Variants in CADM2 observed in about 807,000 individuals in gnomAD.
CADM2 encodes immunoglobulin superfamily member 4D.
Under a neutral mutation model 49.8 loss-of-function variants are expected in CADM2, and 12 were observed. The observed-to-expected ratio is 0.24, with a 90% confidence interval of 0.15 to 0.39. The LOEUF (loss-of-function observed/expected upper bound fraction) is 0.39. CADM2 is among the 10% of genes least tolerant of loss of function. The probability of loss-of-function intolerance (pLI) is 1.00; values close to 1 mark genes in which losing one functional copy is unlikely to be tolerated. For missense variants in CADM2, 378 were observed against 492.3 expected (o/e 0.77, Z 2.20); for synonymous variants, 214 against 175.4 (o/e 1.22, Z -1.74).
At chr3:85,323,689 A>C (rs975912632) in intron 1 of CADM2, among the ~76,000 whole-genome samples, 1 of 152,184 alleles carries the variant, frequency 6.6e-6, no homozygotes, top group African/African-American at 2.4e-5. Context: ...ACAAAATCAT[A>C]TCAATTCTAT....
At chr3:85,134,038 G>C (rs967580466) in intron 1 of CADM2, among the ~76,000 whole-genome samples, 3 of 152,210 alleles carry the variant, frequency 2.0e-5, no homozygotes, top group African/African-American at 4.8e-5. Flanking sequence ...GTGAGAAATC[G>C]AGCGCAGCGC....
intron 1 of CADM2, among the ~76,000 whole-genome samples, chr3:85,569,315 G>A (rs907447171): frequency 6.6e-6 from 1 of 151,320 alleles, no homozygotes; most frequent in African/African-American, 2.4e-5. Context: ...CTATTCCATG[G>A]TAAGACTATC....
chr3:85,865,375 G>C (rs1577509057), intron 3 of CADM2, among the ~76,000 whole-genome samples: 1 of 151,966 alleles, frequency 6.6e-6, no homozygotes, highest in East Asian at 1.9e-4. Flanking sequence ...CAAATAAAAT[G>C]TGTGTATGTT....
intron 8 of CADM2, among the ~76,000 whole-genome samples, chr3:85,996,023 G>A (rs1485989254): frequency 1.3e-5 from 2 of 151,468 alleles, no homozygotes; most frequent in Non-Finnish European, 2.9e-5. Context: ...CCAGGAGGCA[G>A]AGCTTTCAGT....
intron 1 of CADM2, among the ~76,000 whole-genome samples, chr3:85,571,613 T>A (rs922273965): frequency 6.6e-6 from 1 of 152,256 alleles, no homozygotes; most frequent in Non-Finnish European, 1.5e-5. Flanking sequence ...ATATGTCCCA[T>A]ATAGCACATT....
At chr3:85,755,534 C>G (rs2069073077) in intron 2 of CADM2, among the ~76,000 whole-genome samples, 1 of 152,026 alleles carries the variant, frequency 6.6e-6, no homozygotes, top group Admixed American at 6.6e-5. Context: ...CATTCTTGCA[C>G]TACTATAAAG....
chr3:85,526,250 T>C (rs2061156595), intron 1 of CADM2, among the ~76,000 whole-genome samples: 1 of 152,162 alleles, frequency 6.6e-6, no homozygotes. Flanking sequence ...TTCATATATT[T>C]TGTTTGTTTA....
chr3:85,155,945 G>T (rs998451256), intron 1 of CADM2, among the ~76,000 whole-genome samples: 1 of 152,144 alleles, frequency 6.6e-6, no homozygotes, highest in Non-Finnish European at 1.5e-5. Context: ...AAAGCAGTGT[G>T]TAGAGGGAAA....
intron 1 of CADM2, among the ~76,000 whole-genome samples, chr3:85,372,076 C>T (rs144645489): frequency 7.1e-4 from 108 of 151,880 alleles, no homozygotes; most frequent in Middle Eastern, 3.4e-3. Flanking sequence ...TTTATTACAT[C>T]GGTGTTTGAC....
At chr3:86,013,790 G>A (rs1312892089) in intron 8 of CADM2, 3 of 1,589,382 alleles carry the variant, frequency 1.9e-6, no homozygotes, top group Non-Finnish European at 2.6e-6. Flanking sequence ...TAACTGAGAA[G>A]TGGGGATTAA....
intron 1 of CADM2, among the ~76,000 whole-genome samples, chr3:85,132,307 AC>A (rs2107611477): frequency 1.3e-5 from 2 of 152,250 alleles, no homozygotes; most frequent in South Asian, 4.1e-4. Context: ...ACCTAAGGAA[AC>A]CTTTAACTGG....
intron 1 of CADM2, among the ~76,000 whole-genome samples, chr3:85,283,355 ACT>A (rs2043551963): frequency 6.6e-6 from 1 of 151,604 alleles, no homozygotes; most frequent in Admixed American, 6.6e-5. Context: ...TCTCATTAAT[ACT>A]CTTTTAAAAC....
chr3:84,978,057 G>C (rs755278474), intron 1 of CADM2, among the ~76,000 whole-genome samples: 25 of 151,786 alleles, frequency 1.6e-4, no homozygotes, highest in Non-Finnish European at 3.1e-4. Context: ...AATTAGAGAT[G>C]GCAAATTTTT....
intron 1 of CADM2, among the ~76,000 whole-genome samples, chr3:85,469,195 T>A (rs908269356): frequency 6.6e-6 from 1 of 152,104 alleles, no homozygotes; most frequent in African/African-American, 2.4e-5. Flanking sequence ...GTGGGTGGAG[T>A]CAATTTCTTT....
At chr3:85,261,659 C>A (rs1481800056) in intron 1 of CADM2, among the ~76,000 whole-genome samples, 1 of 151,898 alleles carries the variant, frequency 6.6e-6, no homozygotes, top group Non-Finnish European at 1.5e-5. Context: ...TCTAGTAGTT[C>A]ATTTGCTTAA....
At chr3:85,353,770 A>G (rs2107248190) in intron 1 of CADM2, among the ~76,000 whole-genome samples, 1 of 152,046 alleles carries the variant, frequency 6.6e-6, no homozygotes, top group South Asian at 2.1e-4. Flanking sequence ...TTATTACCGA[A>G]ATCAATGCAC....
intron 1 of CADM2, among the ~76,000 whole-genome samples, chr3:85,156,875 T>G (rs532448778): frequency 2.8e-4 from 43 of 152,110 alleles, no homozygotes; most frequent in African/African-American, 9.4e-4. Flanking sequence ...AAGGTATTCA[T>G]TTAGGAAAAG....
intron 1 of CADM2, among the ~76,000 whole-genome samples, chr3:85,029,733 C>T (rs1478472313): frequency 6.6e-6 from 1 of 152,186 alleles, no homozygotes; most frequent in Non-Finnish European, 1.5e-5. Flanking sequence ...GATCCATTCT[C>T]AACCTGCTCA....
At chr3:85,862,106 C>G (rs891447473) in intron 3 of CADM2, among the ~76,000 whole-genome samples, 1 of 152,028 alleles carries the variant, frequency 6.6e-6, no homozygotes, top group Non-Finnish European at 1.5e-5. Context: ...AGATAAATCA[C>G]TTTGATCATA....
Sources: gnomAD v4.1 joint callset for allele counts (sites outside exome capture counted in the v4.1 genomes callset) on GRCh38, gnomAD v4.1.1 for gene constraint, MANE v1.5 for transcripts, NCBI Gene and HGNC (gene_info 2026-07-23, HGNC 2026-07-21) for gene names.